Variants in CPNE4 observed in about 807,000 individuals in gnomAD.
CPNE4 encodes copine 4, also known as copine-4.
CPNE4 carries 25 observed loss-of-function variants against 67.9 expected under a neutral mutation model. The ratio of observed to expected loss-of-function variants is 0.37; its 90% CI spans 0.27 to 0.51. CPNE4 has a LOEUF of 0.51. Ranked by LOEUF, CPNE4 falls within the 20% of genes least tolerant of loss-of-function variation. CPNE4 has a pLI of 0.93. For missense variants in CPNE4, 464 were observed against 690.8 expected, an observed-to-expected ratio of 0.67 and a Z score of 3.68; for synonymous variants, 242 against 244.9, an observed-to-expected ratio of 0.99 and a Z score of 0.11.
chr3:131,842,406 C>A (rs533811251), intron 2 of CPNE4, among the ~76,000 whole-genome samples: 3 of 152,236 alleles, frequency 2.0e-5, no homozygotes, highest in Non-Finnish European at 4.4e-5. Flanking sequence ...AGGTGGCCAG[C>A]AGGGATCCAG....
At chr3:131,634,344 C>A (rs2079319989) in intron 7 of CPNE4, among the ~76,000 whole-genome samples, 1 of 152,112 alleles carries the variant, frequency 6.6e-6, no homozygotes, top group Non-Finnish European at 1.5e-5. Context: ...AAAGCTTTAT[C>A]CATAGGAAAT....
chr3:131,638,597 G>A (rs1173290096), intron 7 of CPNE4, among the ~76,000 whole-genome samples: 5 of 152,168 alleles, frequency 3.3e-5, no homozygotes, highest in Non-Finnish European at 5.9e-5. Flanking sequence ...TGCACTGACA[G>A]TGCTAGATAG....
chr3:131,898,023 A>C (rs1342164991), intron 2 of CPNE4, among the ~76,000 whole-genome samples: 1 of 152,170 alleles, frequency 6.6e-6, no homozygotes, highest in Non-Finnish European at 1.5e-5. Flanking sequence ...ACATTGTTTA[A>C]GTACTCTCAA....
At chr3:131,718,863 A>T (rs1274287823) in intron 3 of CPNE4, among the ~76,000 whole-genome samples, 1 of 152,232 alleles carries the variant, frequency 6.6e-6, no homozygotes, top group Non-Finnish European at 1.5e-5. Context: ...AAAGCTTGGC[A>T]TGCAATTGCT....
At chr3:132,029,170 G>A (rs1245581186) in intron 1 of CPNE4, among the ~76,000 whole-genome samples, 3 of 152,018 alleles carry the variant, frequency 2.0e-5, no homozygotes, top group Non-Finnish European at 4.4e-5. Context: ...CTGATAACAG[G>A]CCCAAGTGTA....
chr3:131,700,054 C>CTTTTTTTTTTTTTTTTTT lies in CPNE4; in HGVS notation c.361-92_361-75dup, dbSNP rs3035263. The CTTTTTTTTTTTTTTTTTT allele has an allele frequency of 8.2e-4, 210 of 254,708 alleles. 2 individuals carry two copies. Among genetic ancestry groups the CTTTTTTTTTTTTTTTTTT allele is most frequent in the African/African-American group, 5.5e-3 (166 of 30,058 alleles). 15.8% of individuals were successfully genotyped at this position (254,708 alleles called of 1,614,324 possible). A position where few individuals can be genotyped will look rare whatever the true frequency, so the allele number is the denominator to read the frequency against. ...TTAACTGTAGATCTATTTTTTAAAC[C>CTTTTTTTTTTTTTTTTTT]TTTTTTTTTTTTTTTTTTTTTTTAC... On this transcript the variant is annotated intron_variant, in intron 3 of 15. Transcript: ENST00000429747.
Position 131,987,015 on chromosome 3 carries a change from C to T in CPNE4, c.-2+47552G>A, listed in dbSNP as rs1360882281. 7.9e-5 allele frequency among the ~76,000 whole-genome samples: 12 copies of T among 152,226 alleles called. No individual in the cohort carries two copies. In the South Asian group the frequency reaches 2.5e-3, roughly 32 times the overall value. ...TAAATCAGAATCTCTGGAAGTGGTA[C>T]TTAGGCATCAGTTGATATCAATGTG... On this transcript the variant is annotated intron_variant, in intron 1 of 15. Transcript: ENST00000429747.
chr3:131,762,756 G>T (rs2082919524), intron 2 of CPNE4, among the ~76,000 whole-genome samples: 1 of 151,892 alleles, frequency 6.6e-6, no homozygotes, highest in South Asian at 2.1e-4. Context: ...CAACATAAAA[G>T]AATATCATTA....
chr3:131,822,840 T>G (rs1050797612), intron 2 of CPNE4, among the ~76,000 whole-genome samples: 8 of 152,112 alleles, frequency 5.3e-5, no homozygotes, highest in Non-Finnish European at 1.0e-4. Flanking sequence ...TTTATTTTAT[T>G]TATTTATTTA....
At chr3:131,952,474 G>A (rs1000804802) in intron 1 of CPNE4, among the ~76,000 whole-genome samples, 7 of 96,766 alleles carry the variant, frequency 7.2e-5, no homozygotes, top group Non-Finnish European at 2.0e-4. Context: ...AGGGAGGTGG[G>A]GGGGTCAGCG....
chr3:131,789,454 T>C (rs1185458272), intron 2 of CPNE4, among the ~76,000 whole-genome samples: 1 of 152,208 alleles, frequency 6.6e-6, no homozygotes, highest in Non-Finnish European at 1.5e-5. Context: ...AAATTTTAGC[T>C]CTGCTACCAC....
chr3:131,808,301 G>C (rs2084396378), intron 2 of CPNE4, among the ~76,000 whole-genome samples: 1 of 152,152 alleles, frequency 6.6e-6, no homozygotes, highest in Admixed American at 6.5e-5. Context: ...AGAACTCTCA[G>C]ACAGAGGATT....
intron 2 of CPNE4, among the ~76,000 whole-genome samples, chr3:131,873,220 T>A (rs1393246419): frequency 6.6e-6 from 1 of 152,184 alleles, no homozygotes; most frequent in Non-Finnish European, 1.5e-5. Context: ...GTCCCAAGGG[T>A]GAACAGTGCT....
At chr3:131,561,969 A>G (rs575033318) in intron 11 of CPNE4, among the ~76,000 whole-genome samples, 1 of 152,106 alleles carries the variant, frequency 6.6e-6, no homozygotes, top group Non-Finnish European at 1.5e-5. Context: ...GTATTTGCCC[A>G]TTTTAATGTT....
chr3:131,838,983 C>A (rs1381733975), intron 2 of CPNE4, among the ~76,000 whole-genome samples: 1 of 151,682 alleles, frequency 6.6e-6, no homozygotes, highest in Non-Finnish European at 1.5e-5. Flanking sequence ...TAAAATAAAG[C>A]AATTTTGATA....
At chr3:131,843,401 A>G (rs2085870212) in intron 2 of CPNE4, among the ~76,000 whole-genome samples, 1 of 152,174 alleles carries the variant, frequency 6.6e-6, no homozygotes, top group East Asian at 1.9e-4. Flanking sequence ...TTATTTACAC[A>G]CTACAGGGTA....
Position 131,599,594 on chromosome 3 carries a change from T to G in CPNE4, c.682-12012A>C, listed in dbSNP as rs565339667. ...AGGAGAGAATTTCTTAAATCAAAAT[T>G]ACATAGATGTAATTCCAGAAGTGGT... On this transcript the variant is annotated intron_variant, in intron 7 of 15. Transcript: ENST00000429747. Among the ~76,000 whole-genome samples the G allele has an allele frequency of 7.5e-4, 115 of 152,320 alleles. 2 individuals are homozygous for G. The South Asian group carries it at 0.014, about 18-fold the overall frequency.
chr3:131,998,473 C>G (rs929643646), intron 1 of CPNE4, among the ~76,000 whole-genome samples: 4 of 152,154 alleles, frequency 2.6e-5, no homozygotes, highest in Admixed American at 2.6e-4. Flanking sequence ...AGCAATTTCT[C>G]TCTGAACATC....
chr3:132,015,339 G>A (rs1357138694), intron 1 of CPNE4, among the ~76,000 whole-genome samples: 1 of 152,128 alleles, frequency 6.6e-6, no homozygotes, highest in Non-Finnish European at 1.5e-5. Flanking sequence ...CTTACAGTGA[G>A]GCTTACATTT....
Sources: gnomAD v4.1 joint callset for allele counts (sites outside exome capture counted in the v4.1 genomes callset) on GRCh38, gnomAD v4.1.1 for gene constraint, MANE v1.5 for transcripts, NCBI Gene and HGNC (gene_info 2026-07-23, HGNC 2026-07-21) for gene names.